The following NKAIN2 variants were observed in gnomAD, a reference collection of about 807,000 sequenced individuals.
NKAIN2 encodes sodium/potassium transporting ATPase interacting 2.
NKAIN2 carries 14 observed loss-of-function variants against 32.6 expected under a neutral mutation model. The observed-to-expected ratio is 0.43, with a 90% CI of 0.28 to 0.67. The LOEUF is 0.67. Among genes scored for constraint, NKAIN2 ranks in the 30% least tolerant of loss-of-function variants. The pLI is 0.17. For synonymous variants in NKAIN2, 80 were observed against 87.2 expected, an observed-to-expected ratio of 0.92 and a Z score of 0.46; for missense variants, 198 against 258.3, an observed-to-expected ratio of 0.77 and a Z score of 1.60.
intron 2 of NKAIN2, among the ~76,000 whole-genome samples, chr6:124,291,251 TA>T (rs1795799645): frequency 6.6e-6 from 1 of 151,272 alleles, no homozygotes; most frequent in Non-Finnish European, 1.5e-5. Flanking sequence ...TATCAATCTG[TA>T]AATAACTTTC....
chr6:124,057,939 T>A (rs189073428), intron 1 of NKAIN2, among the ~76,000 whole-genome samples: 2 of 152,012 alleles, frequency 1.3e-5, no homozygotes, highest in Admixed American at 1.3e-4. Flanking sequence ...GTTACAGATA[T>A]AAGGAAAAAG....
intron 3 of NKAIN2, among the ~76,000 whole-genome samples, chr6:124,407,658 G>T (rs902704161): frequency 1.3e-5 from 2 of 151,698 alleles, no homozygotes; most frequent in Non-Finnish European, 2.9e-5. Context: ...ATAAACATAC[G>T]TGTGCATGTG....
At chr6:124,820,566 CA>C (rs1781353193) in intron 6 of NKAIN2, among the ~76,000 whole-genome samples, 1 of 152,158 alleles carries the variant, frequency 6.6e-6, no homozygotes, top group Non-Finnish European at 1.5e-5. Context: ...TCAGAAGTAA[CA>C]TACACTGCAA....
intron 3 of NKAIN2, among the ~76,000 whole-genome samples, chr6:124,652,941 C>A (rs538166405): frequency 2.6e-5 from 4 of 152,116 alleles, no homozygotes; most frequent in Non-Finnish European, 5.9e-5. Context: ...TACATTCAAA[C>A]TACAGCAAAA....
chr6:124,681,990 G>C (rs1542558), intron 4 of NKAIN2, among the ~76,000 whole-genome samples: 98,445 of 151,736 alleles, frequency 0.65, 32,588 homozygotes, highest in African/African-American at 0.77. Flanking sequence ...AGAGAAGGGT[G>C]AGAAAAATAG....
intron 1 of NKAIN2, among the ~76,000 whole-genome samples, chr6:124,281,410 T>A (rs1795290809): frequency 1.3e-5 from 2 of 152,164 alleles, no homozygotes; most frequent in African/African-American, 4.8e-5. Flanking sequence ...ACGTTAACTA[T>A]ATGAGAAAGT....
At chr6:124,592,756 G>A (rs760566559) in intron 3 of NKAIN2, among the ~76,000 whole-genome samples, 1 of 152,148 alleles carries the variant, frequency 6.6e-6, no homozygotes, top group Non-Finnish European at 1.5e-5. Flanking sequence ...CTGCTGTTGT[G>A]TAGCTATGTA....
intron 1 of NKAIN2, among the ~76,000 whole-genome samples, chr6:124,033,739 G>A (rs1035912575): frequency 2.6e-5 from 4 of 152,108 alleles, no homozygotes; most frequent in Non-Finnish European, 5.9e-5. Context: ...GGTTGTCAGG[G>A]AAACAGGAAT....
At chr6:123,897,796 A>G (rs918575985) in intron 1 of NKAIN2, among the ~76,000 whole-genome samples, 2 of 152,140 alleles carry the variant, frequency 1.3e-5, no homozygotes, top group Non-Finnish European at 2.9e-5. Context: ...GCTGGCTTCA[A>G]CTTACCCTCT....
At chr6:124,622,715 AGGTGGTCTTCCCCCGGAGTT>A (rs894029915) in intron 3 of NKAIN2, among the ~76,000 whole-genome samples, 2 of 152,108 alleles carry the variant, frequency 1.3e-5, no homozygotes, top group Non-Finnish European at 2.9e-5. Context: ...TGGAGTGGGA[AGGTGGTCTTCCCCCGGAGTT>A]GAGCCATCCA....
At chr6:124,065,658 C>T (rs189031766) in intron 1 of NKAIN2, among the ~76,000 whole-genome samples, 15 of 152,196 alleles carry the variant, frequency 9.9e-5, no homozygotes, top group East Asian at 1.9e-4. Context: ...GCCTCCAGAA[C>T]GGTAAGAAAT....
At chr6:124,641,947 A>G (rs1316042571) in intron 3 of NKAIN2, among the ~76,000 whole-genome samples, 1 of 152,064 alleles carries the variant, frequency 6.6e-6, no homozygotes, top group Non-Finnish European at 1.5e-5. Context: ...TCACAGAAAT[A>G]TTTTATAAAC....
Position 124,338,377 on chromosome 6 carries a change from T to C in NKAIN2, c.193-16890T>C, listed in dbSNP as rs923186888. On this transcript the variant is annotated intron_variant, in intron 2 of 6. Coordinates refer to ENST00000368417, the MANE Select transcript of NKAIN2 (RefSeq NM_001040214.3). The stretch of plus-strand genomic sequence containing the variant: ...CAATGATAGGTGATAAGTGTAGAGC[T>C]GCTACTTGGTTATTAGAATTTTAAT... Among the ~76,000 whole-genome samples, 3 of 152,120 alleles carry C rather than the reference T, an allele frequency of 2.0e-5. 1 individual carries two copies. The highest frequency in any genetic ancestry group is 7.2e-5 in the African/African-American group (3 of 41,418).
intron 1 of NKAIN2, among the ~76,000 whole-genome samples, chr6:123,847,685 CTTTGTT>C (rs962642283): frequency 1.3e-5 from 2 of 152,068 alleles, no homozygotes; most frequent in African/African-American, 4.8e-5. Flanking sequence ...ACAGCTCTAT[CTTTGTT>C]TTTAACTATT....
chr6:124,092,648 G>T (rs564518109), intron 1 of NKAIN2, among the ~76,000 whole-genome samples: 2 of 151,676 alleles, frequency 1.3e-5, no homozygotes, highest in Non-Finnish European at 3.0e-5. Context: ...TTTGGTTTCA[G>T]TTTTTTTTCT....
chr6:124,271,004 A>T (rs183724882), intron 1 of NKAIN2, among the ~76,000 whole-genome samples: 2 of 152,294 alleles, frequency 1.3e-5, no homozygotes, highest in African/African-American at 4.8e-5. Context: ...GACATCAGAG[A>T]TGATTGGATC....
chr6:124,684,705 C>T (rs1016813548), intron 4 of NKAIN2, among the ~76,000 whole-genome samples: 39 of 152,138 alleles, frequency 2.6e-4, no homozygotes, highest in African/African-American at 9.2e-4. Flanking sequence ...TGCCGTCTAT[C>T]TCTGCAGCCT....
intron 3 of NKAIN2, among the ~76,000 whole-genome samples, chr6:124,526,349 A>T (rs1231131153): frequency 6.6e-6 from 1 of 152,168 alleles, no homozygotes; most frequent in Non-Finnish European, 1.5e-5. Context: ...AGCCTTCCAC[A>T]TAGCAACTAC....
chr6:124,011,506 T>A (rs10434880), intron 1 of NKAIN2, among the ~76,000 whole-genome samples: 1 of 151,966 alleles, frequency 6.6e-6, no homozygotes, highest in African/African-American at 2.4e-5. Flanking sequence ...ATTACCTTCC[T>A]TCCTAAAAAT....
Sources: gnomAD v4.1 joint callset for allele counts (sites outside exome capture counted in the v4.1 genomes callset) on GRCh38, gnomAD v4.1.1 for gene constraint, MANE v1.5 for transcripts, NCBI Gene and HGNC (gene_info 2026-07-23, HGNC 2026-07-21) for gene names.